The following DMD variants were observed in gnomAD, a reference collection of about 807,000 sequenced individuals.
DMD encodes the protein mutant dystrophin.
DMD carries 63 observed loss-of-function variants against 330.1 expected under a neutral mutation model. That is an observed-to-expected ratio of 0.19 (90% CI 0.16 to 0.24). The LOEUF is 0.24. DMD is among the 10% of genes least tolerant of loss of function. DMD has a pLI of 1.00. For missense variants in DMD, 3,344 were observed against 2,684.1 expected, an observed-to-expected ratio of 1.25 and a Z score of -5.43; for synonymous variants, 1,223 against 959.8, an observed-to-expected ratio of 1.27 and a Z score of -5.07.
intron 40 of DMD, 46 bp from the exon 41 acceptor site, chrX:32,342,328 C>T: frequency 3.4e-6 from 4 of 1,168,327 alleles, no homozygotes; most frequent in Non-Finnish European, 4.7e-6. Flanking sequence ...TAGCTAACCA[C>T]ATCAACCGAC....
chrX:32,275,804 G>A (rs762573378), intron 43 of DMD, among the ~76,000 whole-genome samples: 43 of 111,637 alleles, frequency 3.9e-4, no homozygotes, highest in African/African-American at 1.4e-3. Context: ...ACGGAGTGGT[G>A]CAAGATGTCA....
chrX:31,890,749 C>T (rs1221549335), intron 47 of DMD, among the ~76,000 whole-genome samples: 1 of 111,211 alleles, frequency 9.0e-6, no homozygotes, highest in Non-Finnish European at 1.9e-5. Context: ...TATTTTCTGT[C>T]TAGAAAGCTT....
intron 13 of DMD, among the ~76,000 whole-genome samples, chrX:32,582,891 G>C (rs758285302): frequency 2.1e-4 from 23 of 111,041 alleles, no homozygotes; most frequent in African/African-American, 7.2e-4. Context: ...AAGGACCTAG[G>C]AGCCATCTCT....
At chrX:32,092,122 T>C (rs1412810580) in intron 44 of DMD, among the ~76,000 whole-genome samples, 2 of 111,743 alleles carry the variant, frequency 1.8e-5, no homozygotes, top group African/African-American at 6.5e-5. Context: ...TAGAGACATG[T>C]TCTGGGTTCA....
chrX:32,645,023 C>T lies in DMD; in HGVS notation c.1090G>A (p.Ala364Thr). 8.3e-7 allele frequency: 1 copy of T among 1,211,610 alleles called. No individual in the cohort carries two copies. Residue 364 changes from alanine (A) to threonine (T), a missense_variant, in exon 10 of 79, where the codon GCA (alanine) becomes ACA (threonine). Coordinates refer to ENST00000357033, the MANE Select transcript of DMD (RefSeq NM_004006.3). ...WLLSAEDTLQ[A>T]QGEISNDVEV... ...ACATCATTAGAAATCTCTCCTTGTG[C>T]TTGCAATGTGTCCTCAGCAGAAAGA...
rs754257002 is a variant in DMD at position 31,465,566 on chromosome X, T to C, written c.8937+12540A>G. On this transcript the variant is annotated intron_variant, in intron 59 of 78. Coordinates refer to ENST00000357033, the MANE Select transcript of DMD (RefSeq NM_004006.3). ...TTTCTTATGGCTGCATAGTATTCCA[T>C]GGTGTATCTGTGCCACGTTTTCTTT... is the stretch of plus-strand genomic sequence containing the variant. Among the ~76,000 whole-genome samples, 33 of 111,883 alleles carry C rather than the reference T, an allele frequency of 2.9e-4. 1 individual carries two copies. In the South Asian group the frequency reaches 0.012, roughly 41 times the overall value.
At chrX:31,391,124 T>A (rs2148789535) in intron 60 of DMD, among the ~76,000 whole-genome samples, 1 of 111,701 alleles carries the variant, frequency 9.0e-6, no homozygotes, top group Admixed American at 9.5e-5. Context: ...TTTGTCTTCA[T>A]AACATTTCTC....
chrX:32,492,263 G>A (rs1044340337), intron 19 of DMD, among the ~76,000 whole-genome samples: 15 of 112,033 alleles, frequency 1.3e-4, no homozygotes, highest in African/African-American at 4.9e-4. Flanking sequence ...GCGTGAACCC[G>A]GGAGGCGGAG....
intron 49 of DMD, among the ~76,000 whole-genome samples, chrX:31,833,890 C>T (rs751707436): frequency 1.8e-5 from 2 of 111,281 alleles, no homozygotes; most frequent in South Asian, 3.8e-4. Context: ...GCATATACAT[C>T]GTGAGAGATT....
chrX:32,771,503 T>TATACACAC (rs764435472), intron 7 of DMD, among the ~76,000 whole-genome samples: 12 of 105,785 alleles, frequency 1.1e-4, no homozygotes, highest in African/African-American at 3.9e-4. Flanking sequence ...ATTTTGTTAA[T>TATACACAC]ACACACACAC....
intron 1 of DMD, among the ~76,000 whole-genome samples, chrX:33,102,867 T>C (rs923629953): frequency 1.8e-5 from 2 of 112,360 alleles, no homozygotes; most frequent in Middle Eastern, 4.6e-3. Flanking sequence ...AAAAACTTAC[T>C]TGATGTTTAA....
chrX:31,778,852 A>T (rs1399377199), intron 50 of DMD, among the ~76,000 whole-genome samples: 1 of 111,625 alleles, frequency 9.0e-6, no homozygotes, highest in East Asian at 2.8e-4. Flanking sequence ...TACAGGCATG[A>T]GCCACCATGC....
At chrX:31,434,418 GCACACACA>G (rs10572572) in intron 60 of DMD, among the ~76,000 whole-genome samples, 5,957 of 77,940 alleles carry the variant, frequency 0.076, 226 homozygotes, top group East Asian at 0.14. Context: ...CAGCGCGCGC[GCACACACA>G]CACACACACA....
intron 41 of DMD, among the ~76,000 whole-genome samples, chrX:32,318,664 T>C (rs2097594418): frequency 9.0e-6 from 1 of 111,700 alleles, no homozygotes; most frequent in Non-Finnish European, 1.9e-5. Context: ...CATCTCAGAA[T>C]AATTATTCAG....
chrX:31,544,216 C>T (rs765839980), intron 55 of DMD, among the ~76,000 whole-genome samples: 1 of 107,681 alleles, frequency 9.3e-6, no homozygotes, highest in African/African-American at 3.4e-5. Flanking sequence ...CCCAGTTACT[C>T]GGGAGGCTGA....
chrX:32,884,829 G>A (rs1236748117), intron 2 of DMD, among the ~76,000 whole-genome samples: 1 of 112,076 alleles, frequency 8.9e-6, no homozygotes, highest in Non-Finnish European at 1.9e-5. Context: ...ACCAAACAAG[G>A]AGAAGTGTAT....
chrX:31,140,308 A>C (rs888742033), intron 76 of DMD, among the ~76,000 whole-genome samples: 1 of 112,305 alleles, frequency 8.9e-6, no homozygotes, highest in African/African-American at 3.2e-5. Flanking sequence ...ATCTAAACAA[A>C]TTATTTTCTC....
chrX:32,664,655 C>A (rs1420922592), intron 9 of DMD, among the ~76,000 whole-genome samples: 1 of 111,930 alleles, frequency 8.9e-6, no homozygotes, highest in Non-Finnish European at 1.9e-5. Context: ...ACCTTACTGA[C>A]ACAGGAAAAA....
chrX:32,472,395 A>T, intron 21 of DMD, 86 bp from the exon 22 acceptor site: 7 of 906,235 alleles, frequency 7.7e-6, no homozygotes, highest in Non-Finnish European at 1.1e-5. Flanking sequence ...AAACTCAATT[A>T]TATTACTAGT....
Sources: allele counts gnomAD v4.1 joint callset (sites outside exome capture counted in the v4.1 genomes callset), GRCh38; gene constraint gnomAD v4.1.1; transcripts MANE v1.5; gene names NCBI Gene and HGNC (gene_info 2026-07-23, HGNC 2026-07-21).